The following DIAPH2 variants were observed in gnomAD, a reference collection of about 807,000 sequenced individuals.
The protein encoded by DIAPH2 is diaphanous related formin 2, also known as protein diaphanous homolog 2.
In DIAPH2, 35 loss-of-function variants were observed where a neutral mutation model predicts 92.7. The ratio of observed to expected loss-of-function variants is 0.38; its 90% CI spans 0.29 to 0.50. DIAPH2 has a LOEUF of 0.50. DIAPH2 is among the 20% of genes least tolerant of loss of function. DIAPH2 has a pLI of 0.94. For missense variants in DIAPH2, 701 were observed against 819.5 expected (o/e 0.86, Z 1.77); for synonymous variants, 301 against 280.4 (o/e 1.07, Z -0.73).
intron 4 of DIAPH2, among the ~76,000 whole-genome samples, chrX:96,759,919 G>A (rs1044841036): frequency 1.8e-5 from 2 of 111,531 alleles, no homozygotes; most frequent in Non-Finnish European, 3.8e-5. Flanking sequence ...AGATTAAAAT[G>A]CAAAAAATTG....
At chrX:97,219,438 A>G (rs780417970) in intron 22 of DIAPH2, among the ~76,000 whole-genome samples, 48 of 111,985 alleles carry the variant, frequency 4.3e-4, no homozygotes, top group South Asian at 2.6e-3. Context: ...TGTTTCAGGG[A>G]AAACATAAAT....
intron 18 of DIAPH2, among the ~76,000 whole-genome samples, chrX:97,074,238 C>T (rs966315722): frequency 3.6e-5 from 4 of 110,951 alleles, no homozygotes; most frequent in African/African-American, 1.3e-4. Flanking sequence ...GAAACCCCGC[C>T]TCTACTAAAA....
chrX:97,082,028 T>C (rs2066749283), intron 19 of DIAPH2: 1 of 103,711 alleles, frequency 9.6e-6, no homozygotes, highest in Admixed American at 1.0e-4. Flanking sequence ...GGAGAATGGC[T>C]TAAACCCGGG....
intron 21 of DIAPH2, among the ~76,000 whole-genome samples, chrX:97,124,637 T>C (rs2067079127): frequency 8.9e-6 from 1 of 112,098 alleles, no homozygotes; most frequent in Non-Finnish European, 1.9e-5. Flanking sequence ...ATGGGATTTT[T>C]TTCTATTATT....
At chrX:97,269,743 CTATTTT>C (rs1193418929) in intron 23 of DIAPH2, among the ~76,000 whole-genome samples, 1 of 104,605 alleles carries the variant, frequency 9.6e-6, no homozygotes, top group African/African-American at 3.8e-5. Flanking sequence ...GAAGGAGATA[CTATTTT>C]TATTTTTTTT....
chrX:96,819,097 G>C (rs557964191), intron 4 of DIAPH2, among the ~76,000 whole-genome samples: 1 of 112,258 alleles, frequency 8.9e-6, no homozygotes, highest in African/African-American at 3.2e-5. Flanking sequence ...CTCACCTCCT[G>C]CTGTGAGGTA....
chrX:97,218,093 C>CTTT (rs765085038), intron 22 of DIAPH2, among the ~76,000 whole-genome samples: 4 of 102,541 alleles, frequency 3.9e-5, no homozygotes, highest in Non-Finnish European at 8.0e-5. Context: ...ACATGCTTTT[C>CTTT]TTTTTTTTTT....
intron 23 of DIAPH2, among the ~76,000 whole-genome samples, chrX:97,285,383 C>CAA (rs11336007): frequency 0.034 from 1,280 of 38,054 alleles, 42 homozygotes; most frequent in African/African-American, 0.038. Context: ...ACTAAAAATA[C>CAA]AAAAAAAAAA....
At chrX:96,699,534 A>G (rs943984953) in intron 1 of DIAPH2, among the ~76,000 whole-genome samples, 2 of 112,121 alleles carry the variant, frequency 1.8e-5, no homozygotes, top group African/African-American at 3.2e-5. Flanking sequence ...CAATCATAGG[A>G]CATTCTCTCC....
intron 17 of DIAPH2, among the ~76,000 whole-genome samples, chrX:97,000,228 TG>T (rs982849218): frequency 8.9e-6 from 1 of 112,008 alleles, no homozygotes; most frequent in Non-Finnish European, 1.9e-5. Context: ...ACGCAGGCAT[TG>T]GCTTTAACCA....
At chrX:96,743,750 G>C (rs1337201683) in intron 3 of DIAPH2, among the ~76,000 whole-genome samples, 1 of 111,431 alleles carries the variant, frequency 9.0e-6, no homozygotes, top group Non-Finnish European at 1.9e-5. Context: ...CAAAATTTCA[G>C]TTAGATAGAG....
intron 26 of DIAPH2, among the ~76,000 whole-genome samples, chrX:97,475,712 T>C (rs780291600): frequency 8.2e-4 from 92 of 112,200 alleles, no homozygotes; most frequent in Admixed American, 1.9e-3. Context: ...ATCAATCAGG[T>C]ATTTGCCAAG....
At chrX:96,735,237 T>C (rs1352278564) in intron 1 of DIAPH2, among the ~76,000 whole-genome samples, 2 of 112,177 alleles carry the variant, frequency 1.8e-5, no homozygotes, top group Non-Finnish European at 3.8e-5. Flanking sequence ...ATAAGGATAG[T>C]TTTTAAAAAT....
chrX:97,582,934 T>C (rs2071450666), intron 26 of DIAPH2, among the ~76,000 whole-genome samples: 1 of 111,755 alleles, frequency 8.9e-6, no homozygotes, highest in Non-Finnish European at 1.9e-5. Context: ...TCATCTTCCA[T>C]TGCTGATACC....
At chrX:97,473,842 C>T (rs2070583592) in intron 26 of DIAPH2, among the ~76,000 whole-genome samples, 1 of 111,272 alleles carries the variant, frequency 9.0e-6, no homozygotes, top group Admixed American at 9.5e-5. Flanking sequence ...TTCCTGTAGT[C>T]CCAGCTACTC....
chrX:96,759,954 G>A (rs1048415063), intron 4 of DIAPH2, among the ~76,000 whole-genome samples: 1 of 111,411 alleles, frequency 9.0e-6, no homozygotes, highest in African/African-American at 3.2e-5. Flanking sequence ...GAGCTCACTT[G>A]AACTGCATTA....
chrX:96,884,669 C>T (rs1335565795), intron 5 of DIAPH2: 12 of 1,210,240 alleles, frequency 9.9e-6, no homozygotes, highest in South Asian at 1.8e-5. Context: ...ACTCCATTGT[C>T]AGTCGGAGTA....
chrX:96,703,776 C>T (rs2063868340), intron 1 of DIAPH2, among the ~76,000 whole-genome samples: 1 of 111,799 alleles, frequency 8.9e-6, no homozygotes, highest in African/African-American at 3.3e-5. Flanking sequence ...TTTCCGTTTG[C>T]ATATATCAAT....
chrX:96,991,186 C>T (rs1398867188), intron 17 of DIAPH2, among the ~76,000 whole-genome samples: 1 of 109,766 alleles, frequency 9.1e-6, no homozygotes, highest in Non-Finnish European at 1.9e-5. Flanking sequence ...ACGATCTCAG[C>T]TCACTGCAAC....
Sources: gnomAD v4.1 joint callset for allele counts (sites outside exome capture counted in the v4.1 genomes callset) on GRCh38, gnomAD v4.1.1 for gene constraint, MANE v1.5 for transcripts, NCBI Gene and HGNC (gene_info 2026-07-23, HGNC 2026-07-21) for gene names.